The following MCRIP1 variants were observed in gnomAD, a reference collection of about 807,000 sequenced individuals.
The protein encoded by MCRIP1 is mapk-regulated corepressor-interacting protein 1.
In MCRIP1, 10 loss-of-function variants were observed where a neutral mutation model predicts 14.4. The ratio of observed to expected loss-of-function variants is 0.70; its 90% CI spans 0.43 to 1.18. The LOEUF is 1.18. Among genes scored for constraint, MCRIP1 ranks in the 50% most tolerant of loss-of-function variants. MCRIP1 has a pLI of 0.00. For synonymous variants in MCRIP1, 53 were observed against 55.7 expected (o/e 0.95, Z 0.21); for missense variants, 119 against 135.4 (o/e 0.88, Z 0.60).
intron 3 of MCRIP1, 63 bp downstream of exon 3, chr17:81,824,224 G>A: frequency 1.5e-6 from 2 of 1,351,086 alleles, no homozygotes; most frequent in Non-Finnish European, 2.0e-6. Flanking sequence ...TGGGTCCTGG[G>A]CTGGGGGCAG....
intron 1 of MCRIP1, among the ~76,000 whole-genome samples, chr17:81,829,009 A>G (rs1343436588): frequency 6.6e-6 from 1 of 152,184 alleles, no homozygotes; most frequent in African/African-American, 2.4e-5. Context: ...AAGCAGAGGG[A>G]ACCCTGAGGC....
rs147735308 is a variant in MCRIP1 at position 81,823,932 on chromosome 17, G to A, written c.127+355C>T. 2.9e-3 allele frequency: 1,485 copies of A among 513,420 alleles called. 14 individuals carry two copies. Among genetic ancestry groups the A allele is most frequent in the African/African-American group, 0.026 (1,348 of 51,854 alleles). 31.8% of individuals were successfully genotyped at this position (513,420 alleles called of 1,614,324 possible). A position where few individuals can be genotyped will look rare whatever the true frequency, so the allele number is the denominator to read the frequency against. The stretch of plus-strand genomic sequence containing the variant: ...GCAACACGCCCGTTCATGGCTGGAT[G>A]CGTGCCTGTCTGTCTTCAAAGGCCC... On this transcript the variant is annotated intron_variant, in intron 3 of 4. Transcript: ENST00000455127. This position sits in a 1 kb window ranked among gnomAD's most constrained non-coding sequence, Gnocchi z 6.0.
Position 81,823,202 on chromosome 17 carries a change from C to T in MCRIP1, c.*45G>A, listed in dbSNP as rs2038307393. On this transcript the variant is annotated 3_prime_UTR_variant, in exon 5 of 5. Coordinates refer to ENST00000455127, the MANE Select transcript of MCRIP1 (RefSeq NM_207368.5). This position sits in a 1 kb window ranked among gnomAD's most constrained non-coding sequence, Gnocchi z 6.0. ...CCACAGGACAGGAGGGAACCGACAC[C>T]TCGCACCCTGATCTTCCGGAGGCCG... is the stretch of plus-strand genomic sequence containing the variant. 6.5e-7 allele frequency: 1 copy of T among 1,526,752 alleles called. No individual in the cohort carries two copies. Among genetic ancestry groups the T allele is most frequent in the Non-Finnish European group, 8.8e-7 (1 of 1,139,300 alleles). 94.6% of individuals were successfully genotyped at this position (1,526,752 alleles called of 1,614,324 possible).
At chr17:81,827,384 G>A (rs914514703) in intron 1 of MCRIP1, among the ~76,000 whole-genome samples, 6 of 151,354 alleles carry the variant, frequency 4.0e-5, no homozygotes, top group South Asian at 4.2e-4. Context: ...CCATTCTCCC[G>A]CCTCAGCCTC....
At chr17:81,833,210 C>CCGCCGCCCGG in intron 1 of MCRIP1, 28 bp downstream of exon 1, 1 of 148,564 alleles carries the variant, frequency 6.7e-6, no homozygotes, top group African/African-American at 2.4e-5. Context: ...CGCCCCGTCC[C>CCGCCGCCCGG]CGCCGCCCGG....
chr17:81,832,963 G>A (rs1475289053), intron 1 of MCRIP1, among the ~76,000 whole-genome samples: 1 of 152,034 alleles, frequency 6.6e-6, no homozygotes, highest in Non-Finnish European at 1.5e-5. Context: ...TGGGTCCCCG[G>A]CACCTGCCCC....
intron 1 of MCRIP1, among the ~76,000 whole-genome samples, chr17:81,831,463 C>T (rs1398612115): frequency 6.8e-6 from 1 of 147,372 alleles, no homozygotes; most frequent in Admixed American, 6.7e-5. Context: ...AATGAAACAA[C>T]TCTTCTGGGT....
intron 1 of MCRIP1, chr17:81,825,340 C>T: frequency 1.7e-6 from 2 of 1,171,506 alleles, no homozygotes; most frequent in Non-Finnish European, 1.1e-6. Context: ...ACAGTGTCCC[C>T]ACTCCAGCTG....
chr17:81,824,781 A>C, intron 1 of MCRIP1: 1 of 1,416,520 alleles, frequency 7.1e-7, no homozygotes, highest in Non-Finnish European at 9.2e-7. Context: ...AGCCAGACAC[A>C]CACACAACTT....
chr17:81,833,132 C>G (rs1318315233), intron 1 of MCRIP1, 106 bp downstream of exon 1: 1 of 146,902 alleles, frequency 6.8e-6, no homozygotes, highest in Non-Finnish European at 1.5e-5. Flanking sequence ...CGGCCCCGCC[C>G]GGCCCTGCAG....
intron 3 of MCRIP1, 111 bp downstream of exon 3, chr17:81,824,176 G>C (rs551264880): frequency 3.6e-6 from 3 of 840,878 alleles, no homozygotes; most frequent in Non-Finnish European, 5.7e-6. Flanking sequence ...GTGCCCTGGA[G>C]GGGCAGGGGC....
intron 1 of MCRIP1, among the ~76,000 whole-genome samples, chr17:81,832,648 C>A (rs1014562835): frequency 6.6e-6 from 1 of 152,278 alleles, no homozygotes; most frequent in South Asian, 2.1e-4. Context: ...GGGAGAGAAG[C>A]ACAGCCCGTG....
chr17:81,824,157 G>A (rs1255705143), intron 3 of MCRIP1, 130 bp downstream of exon 3: 3 of 757,352 alleles, frequency 4.0e-6, no homozygotes, highest in South Asian at 1.6e-5. Context: ...CACAGTGATG[G>A]GGCTATCTGT....
Position 81,824,377 on chromosome 17 carries a change from C to G in MCRIP1, c.37G>C (p.Gly13Arg). 5.2e-6 allele frequency: 8 copies of G among 1,535,286 alleles called. No individual in the cohort carries two copies. The highest frequency in any genetic ancestry group is 7.0e-6 in the Non-Finnish European group (8 of 1,146,076). ...GAGCGGGGGCTGCTGGTCCTCTTGC[C>G]GTTGTACACGACTCTGGAGACGGGG... ...SSPVSRVVYNGKRTSSPRSPP... is the reference protein window; with the variant it reads ...SSPVSRVVYNRKRTSSPRSPP... The change falls in exon 3 of 5, where the codon GGC becomes CGC. Residue 13 changes from glycine to arginine, a missense_variant. Gly to Arg is a moderately radical substitution (Grantham distance 125, BLOSUM62 -2). Coordinates refer to ENST00000455127, the MANE Select transcript of MCRIP1 (RefSeq NM_207368.5).
intron 1 of MCRIP1, among the ~76,000 whole-genome samples, chr17:81,828,237 T>G (rs536772545): frequency 2.6e-5 from 4 of 152,034 alleles, no homozygotes; most frequent in Non-Finnish European, 5.9e-5. Flanking sequence ...TCCTCCAGCT[T>G]AGGGACCCCC....
rs144668853 is a variant in MCRIP1, at chr17:81,824,227, G to A, written c.127+60C>T. On this transcript the variant is annotated intron_variant, in intron 3 of 4. Transcript: ENST00000455127. ...TTCCTCGGAGCGTGGGTCCTGGGCT[G>A]GGGGCAGAGCTGACTCCGTCAAGGA... 13,390 of 1,366,984 alleles carry A rather than the reference G, an allele frequency of 9.8e-3. 86 individuals are homozygous for A. The highest frequency in any genetic ancestry group is 0.012 in the Non-Finnish European group (12,140 of 995,404). 84.7% of individuals were successfully genotyped at this position (1,366,984 alleles called of 1,614,324 possible). A position where few individuals can be genotyped will look rare whatever the true frequency, so the allele number is the denominator to read the frequency against.
chr17:81,823,119 C>A lies in MCRIP1; in HGVS notation c.*128G>T, dbSNP rs1056794660. ...AGAGGCAGGCCTCAGCCGTCAGTCA[C>A]GCCAGTGCTGGGATCTGCAGCCCGC... On this transcript the variant is annotated 3_prime_UTR_variant, in exon 5 of 5. Transcript: ENST00000455127. The surrounding 1 kb of genome is among the most constrained non-coding windows in gnomAD (Gnocchi z 6.0). The A allele has an allele frequency of 1.1e-6, 1 of 874,466 alleles. No individual in the cohort carries two copies. Among genetic ancestry groups the A allele is most frequent in the Non-Finnish European group, 1.8e-6 (1 of 552,738 alleles). 54.2% of individuals were successfully genotyped at this position (874,466 alleles called of 1,614,324 possible). A position where few individuals can be genotyped will look rare whatever the true frequency, so the allele number is the denominator to read the frequency against.
intron 1 of MCRIP1, chr17:81,825,353 G>A (rs901218101): frequency 8.5e-7 from 1 of 1,178,924 alleles, no homozygotes; most frequent in African/African-American, 1.6e-5. Context: ...TCCAGCTGAG[G>A]ACACACAACC....
In MCRIP1 at chr17:81,822,976, G is replaced by A. The variant is rs2038300518; in HGVS notation, c.*271C>T. The A allele has an allele frequency of 1.7e-6, 1 of 588,052 alleles. No homozygotes were observed. Among genetic ancestry groups the A allele is most frequent in the Non-Finnish European group, 3.0e-6 (1 of 330,020 alleles). 36.4% of individuals were successfully genotyped at this position (588,052 alleles called of 1,614,324 possible). On this transcript the variant is annotated 3_prime_UTR_variant, in exon 5 of 5. Transcript: ENST00000455127. ...TCAGGTCAGGGCCCCTGGGGGCCAG[G>A]CAGCTTCAAAAATGCAGCCAGGTGG...
Sources: allele counts gnomAD v4.1 joint callset (sites outside exome capture counted in the v4.1 genomes callset), GRCh38; gene constraint gnomAD v4.1.1; non-coding constraint Gnocchi (gnomAD v3.1); transcripts MANE v1.5; gene names NCBI Gene and HGNC (gene_info 2026-07-23, HGNC 2026-07-21).